The following SLCO1A2 variants were observed in gnomAD, a reference collection of about 807,000 sequenced individuals.
SLCO1A2 encodes solute carrier organic anion transporter family member 1A2.
A neutral mutation model predicts 69.0 loss-of-function variants in SLCO1A2; 67 were observed. That is an observed-to-expected ratio of 0.97 (90% CI 0.80 to 1.19). The LOEUF (loss-of-function observed/expected upper bound fraction) is 1.19, where lower values mean the gene tolerates loss of function less well. SLCO1A2 is among the 50% of genes most tolerant of loss of function. SLCO1A2 has a pLI of 0.00. For missense variants in SLCO1A2, 787 were observed against 793.7 expected, an observed-to-expected ratio of 0.99 and a Z score of 0.10; for synonymous variants, 260 against 265.9, an observed-to-expected ratio of 0.98 and a Z score of 0.22.
rs1223563284 is a variant in SLCO1A2, at chr12:21,292,324, A to AT, written c.1449_1450insA (p.Cys484MetfsTer22). ...TTTCCTGATGTTTGAATACAGCTGC[A>AT]ATTTTGGAACACCTGCCAAAAAATA... On this transcript the variant is annotated frameshift_variant, in exon 12 of 15. Transcript: ENST00000683939. LOFTEE classifies it high-confidence loss of function. 1 of 1,604,490 alleles carries AT rather than the reference A, an allele frequency of 6.2e-7. No individual in the cohort carries two copies. Among genetic ancestry groups the AT allele is most frequent in the Non-Finnish European group, 8.5e-7 (1 of 1,176,436 alleles).
intron 2 of SLCO1A2, among the ~76,000 whole-genome samples, chr12:21,322,388 T>A (rs940836940): frequency 1.3e-5 from 2 of 152,198 alleles, no homozygotes; most frequent in Admixed American, 6.5e-5. Flanking sequence ...CACAGCTTGC[T>A]TTTATACATT....
chr12:21,374,673 T>C (rs192953480), intron 1 of SLCO1A2: 173 of 152,360 alleles, frequency 1.1e-3, no homozygotes, highest in African/African-American at 4.0e-3. Flanking sequence ...ATGAAGTTTC[T>C]GATAAGCAGA....
intron 1 of SLCO1A2, among the ~76,000 whole-genome samples, chr12:21,405,769 T>C (rs1941814078): frequency 6.6e-6 from 1 of 152,202 alleles, no homozygotes; most frequent in Admixed American, 6.5e-5. Flanking sequence ...CCAGATGGAC[T>C]AAAGACTTAA....
chr12:21,300,809 A>T (rs1353929855), intron 7 of SLCO1A2, among the ~76,000 whole-genome samples: 1 of 152,140 alleles, frequency 6.6e-6, no homozygotes, highest in African/African-American at 2.4e-5. Flanking sequence ...AAACAGCTAC[A>T]AGTTCTATTT....
At chr12:21,345,489 T>C (rs970695478) in intron 2 of SLCO1A2, among the ~76,000 whole-genome samples, 2 of 152,136 alleles carry the variant, frequency 1.3e-5, no homozygotes, top group African/African-American at 4.8e-5. Flanking sequence ...TCATTCATCT[T>C]AGATAAATAA....
At position 21,295,802 on chromosome 12, in the gene SLCO1A2, CAAATA is replaced by C. The variant is rs1947628612; in HGVS notation, c.1076-15_1076-11del. 2 of 1,349,858 alleles carry C rather than the reference CAAATA, an allele frequency of 1.5e-6. No individual in the cohort carries two copies. The highest frequency in any genetic ancestry group is 2.9e-5 in the African/African-American group (2 of 68,392). The allele number at this position is 1,349,858 out of a possible 1,614,324, so 83.6% of individuals were successfully genotyped here. On this transcript the variant is annotated splice_polypyrimidine_tract_variant and intron_variant, in intron 9 of 14. Coordinates refer to ENST00000683939, the MANE Select transcript of SLCO1A2 (RefSeq NM_001386879.1). ...GGTAAGTTATAAATACCTATAAATG[CAAATA>C]AAATATTATTTACAAAATGACTTAC...
chr12:21,281,842 A>G (rs1229152113), intron 12 of SLCO1A2, among the ~76,000 whole-genome samples: 1 of 152,170 alleles, frequency 6.6e-6, no homozygotes, highest in Non-Finnish European at 1.5e-5. Context: ...GAAGAAATGG[A>G]TGAAATCCTA....
intron 14 of SLCO1A2, among the ~76,000 whole-genome samples, chr12:21,272,349 T>G (rs945793664): frequency 2.6e-5 from 4 of 151,926 alleles, no homozygotes; most frequent in African/African-American, 9.7e-5. Context: ...CTCATTTTTG[T>G]CTGTATTTAA....
intron 4 of SLCO1A2, among the ~76,000 whole-genome samples, chr12:21,311,349 G>A (rs1440413168): frequency 1.3e-5 from 2 of 151,904 alleles, no homozygotes; most frequent in African/African-American, 4.8e-5. Flanking sequence ...TTTTCCTAGT[G>A]GAATGTAGAA....
At chr12:21,418,526 G>T (rs1942024186), upstream of SLCO1A2, among the ~76,000 whole-genome samples, 1 of 152,076 alleles carries the variant, frequency 6.6e-6, no homozygotes, top group African/African-American at 2.4e-5. Context: ...ATGATGGAAG[G>T]CAAAAGGCAT....
chr12:21,342,948 T>C (rs1023252521), intron 2 of SLCO1A2, among the ~76,000 whole-genome samples: 24 of 152,048 alleles, frequency 1.6e-4, no homozygotes, highest in African/African-American at 5.6e-4. Context: ...GTACACTCAA[T>C]TTCAACATGA....
intron 2 of SLCO1A2, among the ~76,000 whole-genome samples, chr12:21,366,559 A>T (rs1185910303): frequency 6.6e-6 from 1 of 152,130 alleles, no homozygotes; most frequent in African/African-American, 2.4e-5. Context: ...AAATAAAAAT[A>T]AAAAAGAAAT....
chr12:21,352,711 C>G (rs369523190), intron 2 of SLCO1A2, among the ~76,000 whole-genome samples: 1 of 152,150 alleles, frequency 6.6e-6, no homozygotes, highest in Non-Finnish European at 1.5e-5. Context: ...AAGCATAATG[C>G]GAGAAATATC....
chr12:21,390,023 T>C (rs1941073073), intron 1 of SLCO1A2, among the ~76,000 whole-genome samples: 1 of 151,620 alleles, frequency 6.6e-6, no homozygotes, highest in South Asian at 2.1e-4. Context: ...ATTTACATAC[T>C]GCTTCTTCAT....
chr12:21,382,433 A>G (rs1940644392), intron 1 of SLCO1A2, among the ~76,000 whole-genome samples: 1 of 152,134 alleles, frequency 6.6e-6, no homozygotes, highest in Admixed American at 6.5e-5. Context: ...ACCACTATAT[A>G]ATTCATCGGT....
intron 2 of SLCO1A2, among the ~76,000 whole-genome samples, chr12:21,324,184 A>C (rs1454848527): frequency 2.0e-5 from 3 of 152,238 alleles, no homozygotes; most frequent in African/African-American, 7.2e-5. Flanking sequence ...CTATCTCTTT[A>C]GAGGATTATT....
At chr12:21,406,389 T>C (rs1021030567) in intron 1 of SLCO1A2, among the ~76,000 whole-genome samples, 2 of 152,216 alleles carry the variant, frequency 1.3e-5, no homozygotes, top group African/African-American at 2.4e-5. Flanking sequence ...TGAAGCTCTA[T>C]GGACAAAACC....
chr12:21,343,132 C>G (rs1461394240), intron 2 of SLCO1A2, among the ~76,000 whole-genome samples: 2 of 152,112 alleles, frequency 1.3e-5, no homozygotes, highest in African/African-American at 4.8e-5. Context: ...GGGAGAGAGA[C>G]TTACTTAATT....
At chr12:21,407,313 T>A (rs184883170) in intron 1 of SLCO1A2, among the ~76,000 whole-genome samples, 1 of 152,132 alleles carries the variant, frequency 6.6e-6, no homozygotes, top group East Asian at 1.9e-4. Flanking sequence ...GATAAGAAGG[T>A]TGGTGTAGTT....
Sources: gnomAD v4.1 joint callset for allele counts (sites outside exome capture counted in the v4.1 genomes callset) on GRCh38, gnomAD v4.1.1 for gene constraint, MANE v1.5 for transcripts, NCBI Gene and HGNC (gene_info 2026-07-23, HGNC 2026-07-21) for gene names.